PODXL: variants seen among roughly 807,000 people sequenced by gnomAD.
The protein encoded by PODXL is podocalyxin.
PODXL carries 20 observed loss-of-function variants against 48.9 expected under a neutral mutation model. The ratio of observed to expected loss-of-function variants is 0.41; its 90% CI spans 0.29 to 0.59. The LOEUF is 0.59. PODXL is among the 20% of genes least tolerant of loss of function. The pLI, the probability that PODXL is intolerant of heterozygous loss-of-function variation, is 0.31. For synonymous variants in PODXL, 295 were observed against 287.4 expected, an observed-to-expected ratio of 1.03 and a Z score of -0.27; for missense variants, 606 against 675.1, an observed-to-expected ratio of 0.90 and a Z score of 1.13.
At position 131,503,977 on chromosome 7, in the gene PODXL, C is replaced by T. The variant is rs1030064082; in HGVS notation, c.*334G>A. ...CAAGTGGCTCTGACCTTGGGCAAGT[C>T]ACTTACCCTCTTCAGGTCTCGGCAA... On this transcript the variant is annotated 3_prime_UTR_variant, in exon 9 of 9. Transcript: ENST00000378555. 1.1e-5 allele frequency: 4 copies of T among 356,538 alleles called. No individual in the cohort carries two copies. Among genetic ancestry groups the T allele is most frequent in the Non-Finnish European group, 2.1e-5 (4 of 190,322 alleles). 22.1% of individuals were successfully genotyped at this position (356,538 alleles called of 1,614,324 possible). A position where few individuals can be genotyped will look rare whatever the true frequency, so the allele number is the denominator to read the frequency against.
At chr7:131,538,488 G>A (rs1798420719) in intron 1 of PODXL, among the ~76,000 whole-genome samples, 1 of 152,186 alleles carries the variant, frequency 6.6e-6, no homozygotes, top group African/African-American at 2.4e-5. Flanking sequence ...CCAGGTGGAG[G>A]TCAGAGGGCG....
At chr7:131,550,962 G>A (rs990974591) in intron 1 of PODXL, among the ~76,000 whole-genome samples, 2 of 152,118 alleles carry the variant, frequency 1.3e-5, no homozygotes, top group Non-Finnish European at 2.9e-5. Context: ...AGAATTCTGT[G>A]TCCTATGATT....
chr7:131,524,383 G>C (rs199738019), intron 1 of PODXL, among the ~76,000 whole-genome samples: 9,233 of 96,584 alleles, frequency 0.096, 319 homozygotes, highest in African/African-American at 0.18. Flanking sequence ...CACACACAGA[G>C]AGAGAGAGAG....
intron 1 of PODXL, among the ~76,000 whole-genome samples, chr7:131,541,678 A>AC (rs1798485861): frequency 6.6e-6 from 1 of 151,974 alleles, no homozygotes; most frequent in Non-Finnish European, 1.5e-5. Flanking sequence ...GTCTCAAAAA[A>AC]AAAAAAAAAA....
chr7:131,542,751 C>T (rs1330147850), intron 1 of PODXL, among the ~76,000 whole-genome samples: 1 of 152,148 alleles, frequency 6.6e-6, no homozygotes, highest in East Asian at 1.9e-4. Context: ...CAGCATCCTC[C>T]GCCTTGGATT....
chr7:131,506,147 C>T (rs971320524), intron 7 of PODXL, 112 bp from the exon 8 acceptor site: 1 of 1,544,676 alleles, frequency 6.5e-7, no homozygotes, highest in African/African-American at 1.4e-5. Context: ...CCGCCGCCCT[C>T]TTCTACATGC....
chr7:131,506,954 T>C (rs2116780542), intron 5 of PODXL: 1 of 578,542 alleles, frequency 1.7e-6, no homozygotes, highest in South Asian at 2.0e-5. Flanking sequence ...CAGCCCGTTC[T>C]CCGCACTGTG....
rs199805332 is a variant in PODXL at position 131,506,676 on chromosome 7, G to A, written c.1152C>T (p.Val384=). 29 of 1,614,214 alleles carry A rather than the reference G, an allele frequency of 1.8e-5. No individual in the cohort carries two copies. The East Asian group carries it at 5.3e-4, about 30-fold the overall frequency. Residue 384 remains valine, a synonymous_variant, in exon 6 of 9, where the codon GTC becomes GTT. Coordinates refer to ENST00000378555, the MANE Select transcript of PODXL (RefSeq NM_001018111.3). ...EKLISLICRA[V]KATFNPAQDK... is the part of the protein sequence containing the mutation. ...CTTGGGCCGGGTTGAAGGTGGCTTT[G>A]ACTGCTCGGCATATCAGTGAGATCA...
At chr7:131,544,419 G>A (rs540924008) in intron 1 of PODXL, among the ~76,000 whole-genome samples, 26 of 152,316 alleles carry the variant, frequency 1.7e-4, no homozygotes, top group East Asian at 3.9e-4. Context: ...ATAGGATGCC[G>A]TGGGTGAACG....
intron 1 of PODXL, among the ~76,000 whole-genome samples, chr7:131,522,439 C>T (rs1454905911): frequency 1.3e-5 from 2 of 152,026 alleles, no homozygotes; most frequent in Non-Finnish European, 2.9e-5. Context: ...GGCGAGGATG[C>T]ATCTCAAATA....
intron 1 of PODXL, among the ~76,000 whole-genome samples, chr7:131,550,617 C>A (rs1584834988): frequency 6.6e-6 from 1 of 151,754 alleles, no homozygotes; most frequent in African/African-American, 2.4e-5. Context: ...CCCTTGGCAA[C>A]ACAGCGAGAT....
At chr7:131,525,543 T>A (rs1798169859) in intron 1 of PODXL, among the ~76,000 whole-genome samples, 1 of 150,316 alleles carries the variant, frequency 6.7e-6, no homozygotes, top group Non-Finnish European at 1.5e-5. Context: ...GAGGTTGTAG[T>A]GAGCTGAGAT....
At chr7:131,506,845 T>C (rs1195809342) in intron 5 of PODXL, 119 bp from the exon 6 acceptor site, 17 of 1,100,212 alleles carry the variant, frequency 1.5e-5, no homozygotes, top group Non-Finnish European at 2.3e-5. Context: ...CCTGCCTCCC[T>C]CTCTAGCCCC....
chr7:131,505,554 C>T (rs1312738560), intron 8 of PODXL, among the ~76,000 whole-genome samples: 1 of 152,018 alleles, frequency 6.6e-6, no homozygotes, highest in African/African-American at 2.4e-5. Flanking sequence ...GGCTGAGGCA[C>T]AAGAATCACT....
At chr7:131,510,131 C>T (rs1797882960) in intron 3 of PODXL, 105 bp downstream of exon 3, 1 of 406,986 alleles carries the variant, frequency 2.5e-6, no homozygotes, top group South Asian at 1.8e-5. Context: ...GGCTCTTGAT[C>T]CATAGGTAGA....
In PODXL at chr7:131,504,120, CA is replaced by C; in HGVS notation, c.*190del. The C allele has an allele frequency of 1.7e-6, 1 of 597,444 alleles. No individual in the cohort carries two copies. Among genetic ancestry groups the C allele is most frequent in the East Asian group, 2.8e-5 (1 of 35,874 alleles). 37.0% of individuals were successfully genotyped at this position (597,444 alleles called of 1,614,324 possible). A position where few individuals can be genotyped will look rare whatever the true frequency, so the allele number is the denominator to read the frequency against. ...GCTCAGGCACTAGTGGGTTATTTTA[CA>C]AGAGGAATCTGGACAGAATGTGATT... On this transcript the variant is annotated 3_prime_UTR_variant, in exon 9 of 9. Transcript: ENST00000378555.
At position 131,503,045 on chromosome 7, in the gene PODXL, CAG is replaced by C. The variant is rs1010897138; in HGVS notation, c.*1264_*1265del. On this transcript the variant is annotated 3_prime_UTR_variant, in exon 9 of 9. Coordinates refer to ENST00000378555, the MANE Select transcript of PODXL (RefSeq NM_001018111.3). Reference sequence around the variant, plus strand: ...CTCTTTTCCTGTGGCACAGGAGAATCAGAGTGAGTGAGATGAGCTAACTGGAC... The same window carrying C: ...CTCTTTTCCTGTGGCACAGGAGAATCAGTGAGTGAGATGAGCTAACTGGAC... The C allele has an allele frequency of 7.2e-5, 11 of 152,816 alleles. 2 individuals carry two copies. Among genetic ancestry groups the C allele is most frequent in the Admixed American group, 5.9e-4 (9 of 15,300 alleles). The allele number at this position is 152,816 out of a possible 1,614,324, so 9.5% of individuals were successfully genotyped here.
intron 1 of PODXL, among the ~76,000 whole-genome samples, chr7:131,547,336 G>A (rs117548395): frequency 0.034 from 4,184 of 122,512 alleles, 86 homozygotes; most frequent in Middle Eastern, 0.06. Flanking sequence ...TTGCGCCATT[G>A]CACTCCAGCC....
intron 1 of PODXL, among the ~76,000 whole-genome samples, chr7:131,522,618 C>T (rs1013050425): frequency 1.3e-5 from 2 of 152,106 alleles, no homozygotes; most frequent in Non-Finnish European, 2.9e-5. Context: ...TGAAGCCCAG[C>T]CTAACTCGTG....
Sources: gnomAD v4.1 joint callset for allele counts (sites outside exome capture counted in the v4.1 genomes callset) on GRCh38, gnomAD v4.1.1 for gene constraint, MANE v1.5 for transcripts, NCBI Gene and HGNC (gene_info 2026-07-23, HGNC 2026-07-21) for gene names.